Variants in FSTL5 observed in about 807,000 individuals in gnomAD.
FSTL5 encodes the protein follistatin like 5.
FSTL5 carries 62 observed loss-of-function variants against 89.1 expected under a neutral mutation model. The observed-to-expected ratio is 0.70, with a 90% CI of 0.57 to 0.86. FSTL5 has a LOEUF of 0.86. Among genes scored for constraint, FSTL5 ranks in the 40% least tolerant of loss-of-function variants. The pLI is 0.00. For missense variants in FSTL5, 1,057 were observed against 1,001.6 expected (o/e 1.06, Z -0.75); for synonymous variants, 383 against 346.2 (o/e 1.11, Z -1.18).
intron 12 of FSTL5, chr4:161,495,372 A>G (rs924465546): frequency 6.6e-6 from 1 of 152,090 alleles, no homozygotes; most frequent in Non-Finnish European, 1.5e-5. Context: ...AATTTTAAAC[A>G]TTTTTCCAAA....
At chr4:161,783,682 T>C (rs367780673) in intron 4 of FSTL5, among the ~76,000 whole-genome samples, 3,928 of 23,946 alleles carry the variant, frequency 0.16, 238 homozygotes, top group Non-Finnish European at 0.19. Context: ...TCTTTCTCTT[T>C]CTTTCTTTCT....
intron 4 of FSTL5, among the ~76,000 whole-genome samples, chr4:161,860,625 G>A (rs1043514074): frequency 3.9e-5 from 6 of 152,082 alleles, no homozygotes; most frequent in Non-Finnish European, 7.4e-5. Context: ...TTTGTCCTAT[G>A]GATATGTAAA....
At chr4:161,926,760 T>C (rs936945584) in intron 3 of FSTL5, among the ~76,000 whole-genome samples, 5 of 151,854 alleles carry the variant, frequency 3.3e-5, no homozygotes, top group African/African-American at 4.8e-5. Context: ...CTAAGTTCTA[T>C]CTAAAGCGGT....
rs1330037919 is a variant in FSTL5 at position 161,562,274 on chromosome 4, G to C, written c.1016-19581C>G. Among the ~76,000 whole-genome samples the C allele has an allele frequency of 5.9e-5, 9 of 151,894 alleles. No individual in the cohort carries two copies. The South Asian group carries it at 1.2e-3, about 21-fold the overall frequency. On this transcript the variant is annotated intron_variant, in intron 8 of 15. Transcript: ENST00000306100. ...GAAATTGGGAAGTGTGAGTTCCCCA[G>C]GTTTGTTCTTCACACGCAGGATGAT... is the stretch of plus-strand genomic sequence containing the variant.
At chr4:161,480,925 T>G (rs1369203854) in intron 13 of FSTL5, 95 bp downstream of exon 13, 20 of 797,796 alleles carry the variant, frequency 2.5e-5, no homozygotes, top group Non-Finnish European at 3.7e-5. Context: ...AGGAAACACA[T>G]TATCAGTGAC....
At chr4:161,748,197 T>C (rs1019493164) in intron 6 of FSTL5, among the ~76,000 whole-genome samples, 2 of 152,180 alleles carry the variant, frequency 1.3e-5, no homozygotes, top group African/African-American at 4.8e-5. Context: ...TAACAAATTA[T>C]TCTGCTCCTT....
intron 6 of FSTL5, among the ~76,000 whole-genome samples, chr4:161,659,991 T>C (rs1736650525): frequency 6.6e-6 from 1 of 152,302 alleles, no homozygotes; most frequent in East Asian, 1.9e-4. Context: ...AGTCACCTGG[T>C]GCCCTAGCAA....
At chr4:161,727,378 C>T (rs982237444) in intron 6 of FSTL5, among the ~76,000 whole-genome samples, 1 of 152,152 alleles carries the variant, frequency 6.6e-6, no homozygotes, top group Non-Finnish European at 1.5e-5. Context: ...TGGTAATCTA[C>T]TCCTAATTTA....
intron 12 of FSTL5, among the ~76,000 whole-genome samples, chr4:161,492,888 G>A (rs989216400): frequency 6.6e-6 from 1 of 151,804 alleles, no homozygotes; most frequent in African/African-American, 2.4e-5. Flanking sequence ...AAATACTGAA[G>A]AGTTAATTTT....
At chr4:162,114,824 T>C (rs1178016314) in intron 1 of FSTL5, among the ~76,000 whole-genome samples, 2 of 152,184 alleles carry the variant, frequency 1.3e-5, no homozygotes, top group Admixed American at 6.6e-5. Flanking sequence ...CTATTTGTGC[T>C]ATTTTCATCT....
At chr4:161,866,318 C>T (rs937940473) in intron 4 of FSTL5, among the ~76,000 whole-genome samples, 1 of 152,084 alleles carries the variant, frequency 6.6e-6, no homozygotes, top group African/African-American at 2.4e-5. Flanking sequence ...GTGACACATG[C>T]CTTTCCTAAT....
At chr4:161,926,579 A>G (rs1734133196) in intron 3 of FSTL5, among the ~76,000 whole-genome samples, 1 of 151,734 alleles carries the variant, frequency 6.6e-6, no homozygotes, top group African/African-American at 2.4e-5. Context: ...GTGATTTGAG[A>G]TCAGTACCTA....
At chr4:161,475,887 C>G (rs1017106490) in intron 13 of FSTL5, among the ~76,000 whole-genome samples, 1 of 151,744 alleles carries the variant, frequency 6.6e-6, no homozygotes, top group African/African-American at 2.4e-5. Flanking sequence ...GTAGATGAGA[C>G]TACAGTTGCC....
At chr4:161,558,157 T>C (rs1336285377) in intron 8 of FSTL5, among the ~76,000 whole-genome samples, 1 of 151,858 alleles carries the variant, frequency 6.6e-6, no homozygotes, top group Non-Finnish European at 1.5e-5. Flanking sequence ...GGATGTACAG[T>C]GTATGACTCC....
At chr4:161,853,308 C>T (rs1484440525) in intron 4 of FSTL5, among the ~76,000 whole-genome samples, 3 of 152,052 alleles carry the variant, frequency 2.0e-5, no homozygotes, top group Non-Finnish European at 4.4e-5. Flanking sequence ...CACTCTGTTG[C>T]CCAGGCTGGC....
intron 1 of FSTL5, among the ~76,000 whole-genome samples, chr4:162,124,172 G>A (rs1731979604): frequency 6.6e-6 from 1 of 152,170 alleles, no homozygotes; most frequent in Non-Finnish European, 1.5e-5. Context: ...GCTTACACAA[G>A]TGAACTTTTG....
At chr4:161,589,929 A>G (rs1578949509) in intron 7 of FSTL5, among the ~76,000 whole-genome samples, 1 of 152,012 alleles carries the variant, frequency 6.6e-6, no homozygotes, top group East Asian at 2.0e-4. Flanking sequence ...TGAACTATAT[A>G]GGAACACTCA....
rs184563669 is a variant in FSTL5, at chr4:161,799,516, C to A, written c.410-23442G>T. 2.0e-5 allele frequency among the ~76,000 whole-genome samples: 3 copies of A among 151,746 alleles called. No homozygotes were observed. The East Asian group carries it at 5.8e-4, about 29-fold the overall frequency. On this transcript the variant is annotated intron_variant, in intron 4 of 15. Coordinates refer to ENST00000306100, the MANE Select transcript of FSTL5 (RefSeq NM_020116.5). ...GCAAAGAGATTTTTGACTCAAATTA[C>A]TTTACTTTTTATCTCTATTTTTCAC...
chr4:161,469,887 C>G (rs1051674075), intron 13 of FSTL5, among the ~76,000 whole-genome samples: 3 of 152,010 alleles, frequency 2.0e-5, no homozygotes, highest in African/African-American at 7.2e-5. Context: ...TGTGATCCAC[C>G]CGCCTCAGCC....
Sources: gnomAD v4.1 joint callset for allele counts (sites outside exome capture counted in the v4.1 genomes callset) on GRCh38, gnomAD v4.1.1 for gene constraint, MANE v1.5 for transcripts, NCBI Gene and HGNC (gene_info 2026-07-23, HGNC 2026-07-21) for gene names.